The following SEMA3A variants were observed in gnomAD, a reference collection of about 807,000 sequenced individuals.
SEMA3A encodes the protein semaphorin 3A.
Under a neutral mutation model 97.9 loss-of-function variants are expected in SEMA3A, and 29 were observed. That is an observed-to-expected ratio of 0.30 (90% confidence interval 0.22 to 0.40). SEMA3A has a LOEUF of 0.40. Among genes scored for constraint, SEMA3A ranks in the 10% least tolerant of loss-of-function variants. SEMA3A has a pLI of 1.00. For synonymous variants in SEMA3A, 321 were observed against 323.7 expected (o/e 0.99, Z 0.09); for missense variants, 763 against 951.3 (o/e 0.80, Z 2.60).
intron 2 of SEMA3A, among the ~76,000 whole-genome samples, chr7:84,345,871 G>C (rs1480999576): frequency 5.3e-5 from 8 of 152,186 alleles, no homozygotes; most frequent in Non-Finnish European, 7.3e-5. Context: ...AACTACAAAT[G>C]TTCTTAATGA....
intron 4 of SEMA3A, among the ~76,000 whole-genome samples, chr7:84,066,865 G>C (rs575833139): frequency 1.4e-3 from 206 of 152,154 alleles, no homozygotes; most frequent in African/African-American, 4.5e-3. Flanking sequence ...TTTACAGATT[G>C]AATGCCATCC....
rs888733825 is a variant in SEMA3A at position 83,991,151 on chromosome 7, A to AT, written c.1453-5675dup. Among the ~76,000 whole-genome samples, 552 of 150,834 alleles carry AT rather than the reference A, an allele frequency of 3.7e-3. 21 individuals are homozygous for AT. The highest frequency in any genetic ancestry group is 0.031 in the Admixed American group (473 of 15,112). On this transcript the variant is annotated intron_variant, in intron 12 of 16. Transcript: ENST00000265362. ...TTGTTGGTGTATAAGAACGCTTGTG[A>AT]TTTTTGTACATTGATTTTGTATCCT...
chr7:84,245,957 C>T (rs55980937), intron 3 of SEMA3A, among the ~76,000 whole-genome samples: 2 of 152,116 alleles, frequency 1.3e-5, no homozygotes, highest in African/African-American at 2.4e-5. Flanking sequence ...TGCCCATAGC[C>T]GCCCCTTTCC....
At chr7:84,183,679 T>C (rs1797795704) in intron 1 of SEMA3A, among the ~76,000 whole-genome samples, 1 of 152,242 alleles carries the variant, frequency 6.6e-6, no homozygotes, top group African/African-American at 2.4e-5. Context: ...TATTTTTAAA[T>C]TTAATATATG....
chr7:84,008,267 G>A lies in SEMA3A; in HGVS notation c.996-770C>T, dbSNP rs181202216. ...GGCACTTTGGGAGGCCAAGGCGGGC[G>A]GATCACAAGGTCAAGAGATCGAGAC... is the stretch of plus-strand genomic sequence containing the variant. On this transcript the variant is annotated intron_variant, in intron 9 of 16. Coordinates refer to ENST00000265362, the MANE Select transcript of SEMA3A (RefSeq NM_006080.3). 1.8e-3 allele frequency among the ~76,000 whole-genome samples: 275 copies of A among 152,216 alleles called. 2 individuals carry two copies. The highest frequency in any genetic ancestry group is 6.3e-3 in the African/African-American group (263 of 41,560).
At chr7:84,300,277 C>A (rs764590654) in intron 3 of SEMA3A, among the ~76,000 whole-genome samples, 19 of 151,740 alleles carry the variant, frequency 1.3e-4, no homozygotes, top group Non-Finnish European at 2.4e-4. Context: ...ACATTTCATA[C>A]ACATATACAC....
intron 2 of SEMA3A, among the ~76,000 whole-genome samples, chr7:84,312,302 G>A (rs575432872): frequency 6.6e-6 from 1 of 151,810 alleles, no homozygotes; most frequent in Admixed American, 6.6e-5. Context: ...AAAGTTCTTA[G>A]TGCCTTTTTC....
chr7:84,390,076 A>G lies in SEMA3A; in HGVS notation c.-245-18176T>C, dbSNP rs940911587. On this transcript the variant is annotated intron_variant, in intron 1 of 3. Coordinates refer to the SEMA3A transcript ENST00000424555. ...GGTGACATATTAAACTCGGTTTGTT[A>G]TGATTATTTTTTACCAAAATAACAG... 4.6e-5 allele frequency among the ~76,000 whole-genome samples: 7 copies of G among 152,234 alleles called. No homozygotes were observed. The South Asian group carries it at 1.2e-3, about 27-fold the overall frequency.
intron 1 of SEMA3A, among the ~76,000 whole-genome samples, chr7:84,446,080 A>G (rs960113044): frequency 3.3e-5 from 5 of 152,182 alleles, no homozygotes; most frequent in African/African-American, 1.2e-4. Context: ...AAGCAACTGC[A>G]TGCTGATAAA....
At chr7:84,217,809 C>A (rs969641022) in intron 3 of SEMA3A, among the ~76,000 whole-genome samples, 2 of 151,668 alleles carry the variant, frequency 1.3e-5, no homozygotes, top group African/African-American at 2.4e-5. Flanking sequence ...TGGGTACCAT[C>A]GCTCATACCT....
At chr7:84,270,763 T>A (rs550167838) in intron 3 of SEMA3A, among the ~76,000 whole-genome samples, 3 of 151,238 alleles carry the variant, frequency 2.0e-5, no homozygotes, top group African/African-American at 7.3e-5. Flanking sequence ...GTGTTATTGG[T>A]TTTAAGAATA....
rs768895846 is a variant in SEMA3A, at chr7:83,961,597, G to C, written c.2090C>G (p.Pro697Arg). Reference sequence around the variant, plus strand: ...GTCTCTGTACCAGACCTTCTGGCTAGGTGTCATGCTATTGGACATTTCTTT... The same window carrying C: ...GTCTCTGTACCAGACCTTCTGGCTACGTGTCATGCTATTGGACATTTCTTT... ...KTKEMSNSMTPSQKVWYRDFM... is the reference protein window; with the variant it reads ...KTKEMSNSMTRSQKVWYRDFM... Residue 697 changes from proline (P) to arginine (R), a missense_variant, in exon 17 of 17, where the codon CCT (proline) becomes CGT (arginine). Transcript: ENST00000265362. 1.2e-6 allele frequency: 2 copies of C among 1,614,094 alleles called. No individual in the cohort carries two copies. The highest frequency in any genetic ancestry group is 1.1e-5 in the South Asian group (1 of 91,082).
At chr7:84,261,520 G>A (rs1446990985) in intron 3 of SEMA3A, among the ~76,000 whole-genome samples, 4 of 152,180 alleles carry the variant, frequency 2.6e-5, no homozygotes, top group African/African-American at 9.7e-5. Context: ...ATGCTTCCAG[G>A]AGCCACCACA....
chr7:84,104,550 T>C (rs1383825937), intron 4 of SEMA3A, among the ~76,000 whole-genome samples: 1 of 152,186 alleles, frequency 6.6e-6, no homozygotes, highest in Non-Finnish European at 1.5e-5. Flanking sequence ...GGAAATCAAG[T>C]CAAAATATAA....
chr7:84,286,548 G>A, intron 3 of SEMA3A, among the ~76,000 whole-genome samples: 1 of 152,192 alleles, frequency 6.6e-6, no homozygotes. Context: ...TATTTTATTA[G>A]ATAATGATAG....
At chr7:84,004,507 T>G (rs1414008128) in intron 11 of SEMA3A, among the ~76,000 whole-genome samples, 1 of 152,140 alleles carries the variant, frequency 6.6e-6, no homozygotes, top group African/African-American at 2.4e-5. Flanking sequence ...ATGTTCACCT[T>G]ATTGTAATTT....
chr7:84,323,172 G>A (rs933000193), intron 2 of SEMA3A, among the ~76,000 whole-genome samples: 5 of 152,086 alleles, frequency 3.3e-5, no homozygotes, highest in East Asian at 1.9e-4. Flanking sequence ...TTTCTTTAAC[G>A]TTCTCTGAAG....
chr7:84,334,527 C>T (rs1476898460), intron 2 of SEMA3A, among the ~76,000 whole-genome samples: 2 of 151,920 alleles, frequency 1.3e-5, no homozygotes, highest in African/African-American at 4.8e-5. Context: ...TTATTTCCTG[C>T]ACTCTTCCTC....
At chr7:83,962,693 G>T (rs1181581502) in intron 16 of SEMA3A, among the ~76,000 whole-genome samples, 2 of 152,068 alleles carry the variant, frequency 1.3e-5, no homozygotes, top group African/African-American at 4.8e-5. Context: ...AATGAGCAGG[G>T]AGATCTGCCT....
Sources: allele counts gnomAD v4.1 joint callset (sites outside exome capture counted in the v4.1 genomes callset), GRCh38; gene constraint gnomAD v4.1.1; transcripts MANE v1.5; gene names NCBI Gene and HGNC (gene_info 2026-07-23, HGNC 2026-07-21).